CES4A: variants seen among roughly 807,000 people sequenced by gnomAD.
The protein encoded by CES4A is carboxylesterase 4A.
Under a neutral mutation model 65.4 loss-of-function variants are expected in CES4A, and 48 were observed. The observed-to-expected ratio is 0.73, with a 90% CI of 0.58 to 0.93. CES4A has a LOEUF of 0.93. Among genes scored for constraint, CES4A ranks in the 40% least tolerant of loss-of-function variants. The pLI, the probability that CES4A is intolerant of heterozygous loss-of-function variation, is 0.00. For missense variants in CES4A, 685 were observed against 728.5 expected, an observed-to-expected ratio of 0.94 and a Z score of 0.69; for synonymous variants, 247 against 281.8, an observed-to-expected ratio of 0.88 and a Z score of 1.24.
chr16:66,997,423 C>T (rs1044762442), intron 2 of CES4A, among the ~76,000 whole-genome samples: 13 of 151,846 alleles, frequency 8.6e-5, no homozygotes, highest in African/African-American at 2.2e-4. Context: ...GGGTGGGCAG[C>T]GGGAGAGGAG....
chr16:66,989,537 ACT>A (rs532501364), intron 1 of CES4A, among the ~76,000 whole-genome samples: 152 of 151,704 alleles, frequency 1.0e-3, no homozygotes, highest in African/African-American at 1.6e-3. Context: ...GGGTAAATAG[ACT>A]CTGTCTCTAT....
chr16:66,989,369 T>A, intron 1 of CES4A, among the ~76,000 whole-genome samples: 1 of 151,386 alleles, frequency 6.6e-6, no homozygotes, highest in Middle Eastern at 3.5e-3. Context: ...TATATATATA[T>A]ATGGTAACCA....
intron 2 of CES4A, among the ~76,000 whole-genome samples, chr16:66,998,060 A>G (rs1965000500): frequency 6.6e-6 from 1 of 151,338 alleles, no homozygotes; most frequent in South Asian, 2.1e-4. Flanking sequence ...GAGGGGCGGT[A>G]AGGTGGCTGG....
intron 10 of CES4A, 62 bp downstream of exon 10, chr16:67,004,935 A>T: frequency 7.7e-7 from 1 of 1,291,316 alleles, no homozygotes; most frequent in South Asian, 1.3e-5. Flanking sequence ...TGTTTTTTTT[A>T]ACCTAGTAGC....
intron 1 of CES4A, among the ~76,000 whole-genome samples, chr16:66,995,065 A>G (rs1407916024): frequency 6.6e-6 from 1 of 151,448 alleles, no homozygotes; most frequent in Non-Finnish European, 1.5e-5. Context: ...TAATCCCAGC[A>G]CTTTGGGAGG....
At chr16:66,996,331 A>G (rs1473653364) in intron 2 of CES4A, among the ~76,000 whole-genome samples, 1 of 152,026 alleles carries the variant, frequency 6.6e-6, no homozygotes, top group Non-Finnish European at 1.5e-5. Flanking sequence ...CACTGCGCCT[A>G]GACTTGTTGT....
At position 67,003,077 on chromosome 16, in the gene CES4A, C is replaced by A; in HGVS notation, c.698C>A (p.Ser233Ter). 1.9e-6 allele frequency: 3 copies of A among 1,613,904 alleles called. No individual in the cohort carries two copies. Among genetic ancestry groups the A allele is most frequent in the Non-Finnish European group, 2.5e-6 (3 of 1,179,802 alleles). The change falls in exon 6 of 14, where the codon TCA becomes TAA. Residue 233 changes from serine (S) to a stop codon, truncating the protein, a stop_gained. Coordinates refer to ENST00000648724, the Ensembl canonical transcript of CES4A. LOFTEE classifies it high-confidence loss of function. The surrounding 1 kb of genome is among the most constrained non-coding windows in gnomAD (Gnocchi z 4.2). ...TCCTCCCTGTTCTTGCAGATGATGT[C>A]ACCCCTAGCCTCGGGTCTCTTCCAT...
downstream of CES4A, chr16:67,009,837 T>C (rs890183897): frequency 6.6e-6 from 1 of 152,290 alleles, no homozygotes; most frequent in Non-Finnish European, 1.5e-5. Context: ...TAGTGGGCTG[T>C]GCCTGGATGC....
chr16:66,995,842 G>A lies in CES4A; in HGVS notation c.260+13G>A. The A allele has an allele frequency of 6.2e-7, 1 of 1,611,876 alleles. No homozygotes were observed. The highest frequency in any genetic ancestry group is 1.1e-5 in the South Asian group (1 of 90,970). On this transcript the variant is annotated intron_variant, in intron 2 of 13. Coordinates refer to ENST00000648724, the Ensembl canonical transcript of CES4A. ...CCTACCCGCCTGGGTAAGAGTCAGA[G>A]GCCTGTCCACTGGGAGGGGGCAATG...
intron 11 of CES4A, chr16:67,005,658 C>T (rs1481345158): frequency 5.3e-6 from 2 of 379,186 alleles, no homozygotes; most frequent in Non-Finnish European, 9.5e-6. Flanking sequence ...ACCAGCCTCA[C>T]CAACATGGTG....
At chr16:67,007,004 CCTT>C (rs1426708251) in intron 13 of CES4A, 187 bp downstream of exon 13, 8 of 587,032 alleles carry the variant, frequency 1.4e-5, no homozygotes, top group African/African-American at 9.3e-5. Context: ...TAGAATGTGT[CCTT>C]CTTGATCCAT....
At chr16:67,010,366 A>C (rs1304054004), downstream of CES4A, among the ~76,000 whole-genome samples, 1 of 151,250 alleles carries the variant, frequency 6.6e-6, no homozygotes, top group Non-Finnish European at 1.5e-5. Flanking sequence ...ATGCCTGGCC[A>C]CTGTGGGCTT....
At chr16:67,005,473 T>C in intron 11 of CES4A, 80 bp downstream of exon 11, 1 of 1,358,036 alleles carries the variant, frequency 7.4e-7, no homozygotes, top group South Asian at 1.3e-5. Flanking sequence ...GCTTATCGAC[T>C]GCTCCCCTAC....
At position 66,991,310 on chromosome 16, in the gene CES4A, C is replaced by A. The variant is rs1312844660; in HGVS notation, c.58+2480C>A. Among the ~76,000 whole-genome samples, 5 of 152,326 alleles carry A rather than the reference C, an allele frequency of 3.3e-5. 1 individual carries two copies. Among genetic ancestry groups the A allele is most frequent in the Admixed American group, 3.3e-4 (5 of 15,294 alleles). On this transcript the variant is annotated intron_variant, in intron 1 of 13. Transcript: ENST00000648724. ...AAAGTGCTGGGATTACAGGCGTGAG[C>A]CACCACACCAGCTGGCAAGTGAACT...
chr16:66,995,094 G>C (rs560726733), intron 1 of CES4A, among the ~76,000 whole-genome samples: 3 of 151,830 alleles, frequency 2.0e-5, no homozygotes, highest in African/African-American at 7.3e-5. Context: ...GGCAGATCAC[G>C]AGGTCAGGAG....
At chr16:66,991,973 A>T (rs188000555) in intron 1 of CES4A, among the ~76,000 whole-genome samples, 1 of 152,308 alleles carries the variant, frequency 6.6e-6, no homozygotes, top group East Asian at 1.9e-4. Context: ...AAAGAAAAAA[A>T]TGAGGTGAGA....
At chr16:66,995,495 G>A in intron 1 of CES4A, 133 bp from the exon 2 acceptor site, 1 of 718,044 alleles carries the variant, frequency 1.4e-6, no homozygotes, top group Non-Finnish European at 2.4e-6. Flanking sequence ...TGGCTGAGTG[G>A]CTGCGCAGGG....
Position 67,006,252 on chromosome 16 carries a change from C to G in CES4A, c.1316-139C>G, listed in dbSNP as rs1013109813. On this transcript the variant is annotated intron_variant, in intron 11 of 13. Coordinates refer to ENST00000648724, the Ensembl canonical transcript of CES4A. ...TCACACAGTGAATGAGTAGTGCAGA[C>G]AGGATTCAAGTCTGCCCCCTTGATT... 8.4e-6 allele frequency: 7 copies of G among 831,876 alleles called. No individual in the cohort carries two copies. In the Admixed American group the frequency reaches 1.8e-4, roughly 22 times the overall value. The allele number at this position is 831,876 out of a possible 1,614,324, so 51.5% of individuals were successfully genotyped here. A position where few individuals can be genotyped will look rare whatever the true frequency, so the allele number is the denominator to read the frequency against.
chr16:67,002,977 C>A, intron 5 of CES4A, 93 bp from the exon 6 acceptor site: 1 of 1,081,110 alleles, frequency 9.2e-7, no homozygotes, highest in East Asian at 2.4e-5. Context: ...TGGCTTCACT[C>A]AGGCTGCCTG....
Sources: allele counts gnomAD v4.1 joint callset (sites outside exome capture counted in the v4.1 genomes callset), GRCh38; gene constraint gnomAD v4.1.1; non-coding constraint Gnocchi (gnomAD v3.1); transcripts MANE v1.5; gene names NCBI Gene and HGNC (gene_info 2026-07-23, HGNC 2026-07-21).